Variants in FAM227B observed in about 807,000 individuals in gnomAD.
The protein encoded by FAM227B is protein FAM227B.
FAM227B carries 88 observed loss-of-function variants against 73.8 expected under a neutral mutation model. The ratio of observed to expected loss-of-function variants is 1.19; its 90% confidence interval spans 1.00 to 1.42. FAM227B has a LOEUF of 1.42. Ranked by LOEUF, FAM227B falls within the 40% of genes most tolerant of loss-of-function variation. The probability of loss-of-function intolerance (pLI) is 0.00; values close to 1 mark genes in which losing one functional copy is unlikely to be tolerated. For missense variants in FAM227B, 632 were observed against 590.9 expected (o/e 1.07, Z -0.72); for synonymous variants, 210 against 190.5 (o/e 1.10, Z -0.84).
At chr15:49,592,271 T>G (rs2076625662) in intron 3 of FAM227B, among the ~76,000 whole-genome samples, 1 of 152,244 alleles carries the variant, frequency 6.6e-6, no homozygotes, top group African/African-American at 2.4e-5. Flanking sequence ...TTTTCAGATT[T>G]TCTGCTCTGG....
At chr15:49,413,815 AAGCTCATTTTC>A (rs979133234) in intron 11 of FAM227B, among the ~76,000 whole-genome samples, 5 of 150,984 alleles carry the variant, frequency 3.3e-5, no homozygotes, top group Non-Finnish European at 5.9e-5. Flanking sequence ...AGAACACAAC[AAGCTCATTTTC>A]ACCTCAGAAC....
At chr15:49,360,044 T>A (rs2043910555) in intron 13 of FAM227B, among the ~76,000 whole-genome samples, 1 of 127,734 alleles carries the variant, frequency 7.8e-6, no homozygotes. Flanking sequence ...AACAATGAGA[T>A]CACATGGACA....
intron 9 of FAM227B, among the ~76,000 whole-genome samples, chr15:49,547,982 A>G (rs537855893): frequency 6.6e-6 from 1 of 152,374 alleles, no homozygotes; most frequent in South Asian, 2.1e-4. Context: ...GACTTAACAG[A>G]TATTTACAGA....
intron 11 of FAM227B, among the ~76,000 whole-genome samples, chr15:49,456,416 G>A (rs17479289): frequency 0.2 from 30,314 of 152,038 alleles, 3,279 homozygotes; most frequent in South Asian, 0.34. Flanking sequence ...CAGGGTTAAG[G>A]AAGGTTAATG....
At chr15:49,365,652 T>C (rs2045025150) in intron 13 of FAM227B, 1 of 1,094,504 alleles carries the variant, frequency 9.1e-7, no homozygotes, top group South Asian at 1.2e-5. Context: ...GGAGAAGGCC[T>C]AGAAGTATCA....
Position 49,424,821 on chromosome 15 carries a change from C to T in FAM227B, c.1013-53422G>A, listed in dbSNP as rs1329770018. The T allele has an allele frequency of 1.6e-5, 5 of 308,362 alleles. No homozygotes were observed. The East Asian group carries it at 2.1e-4, about 13-fold the overall frequency. The allele number at this position is 308,362 out of a possible 1,614,324, so 19.1% of individuals were successfully genotyped here. ...ATCCAAGCCAATTTGAAAATATATA[C>T]TCCTTGTCCTGAAAATGCTCATAAG... On this transcript the variant is annotated intron_variant, in intron 11 of 15. Coordinates refer to ENST00000299338, the MANE Select transcript of FAM227B (RefSeq NM_152647.3).
chr15:49,608,065 C>T (rs1049499257), intron 3 of FAM227B, among the ~76,000 whole-genome samples: 1 of 152,166 alleles, frequency 6.6e-6, no homozygotes, highest in African/African-American at 2.4e-5. Context: ...AAAATCAACA[C>T]TACTACTAGA....
At chr15:49,558,781 G>A (rs1187555676) in intron 9 of FAM227B, among the ~76,000 whole-genome samples, 1 of 152,062 alleles carries the variant, frequency 6.6e-6, no homozygotes, top group Non-Finnish European at 1.5e-5. Flanking sequence ...CCATCGAGGA[G>A]CCTGGAAATT....
intron 11 of FAM227B, among the ~76,000 whole-genome samples, chr15:49,447,832 G>C (rs750985899): frequency 7.3e-5 from 11 of 151,668 alleles, no homozygotes; most frequent in Non-Finnish European, 1.0e-4. Flanking sequence ...TAAAATCCAA[G>C]ATTCACAGAA....
At chr15:49,435,130 A>G (rs1270665053) in intron 11 of FAM227B, among the ~76,000 whole-genome samples, 1 of 151,602 alleles carries the variant, frequency 6.6e-6, no homozygotes, top group Non-Finnish European at 1.5e-5. Flanking sequence ...GGGAAAAGGC[A>G]TAAGTGTGAA....
At chr15:49,494,301 G>C (rs2057404692) in intron 11 of FAM227B, among the ~76,000 whole-genome samples, 2 of 145,512 alleles carry the variant, frequency 1.4e-5, no homozygotes, top group Non-Finnish European at 3.0e-5. Context: ...CCTAAACATA[G>C]AGTCAGCAAT....
At chr15:49,608,915 A>T (rs2077701106) in intron 3 of FAM227B, among the ~76,000 whole-genome samples, 1 of 152,040 alleles carries the variant, frequency 6.6e-6, no homozygotes, top group Non-Finnish European at 1.5e-5. Context: ...AGAAATTGGA[A>T]TCAACACTTT....
intron 11 of FAM227B, among the ~76,000 whole-genome samples, chr15:49,490,201 C>T (rs1220346103): frequency 6.6e-6 from 1 of 151,734 alleles, no homozygotes; most frequent in East Asian, 1.9e-4. Context: ...TTCCTAGATG[C>T]CTCCATATTT....
intron 11 of FAM227B, among the ~76,000 whole-genome samples, chr15:49,498,189 G>T (rs1348341755): frequency 6.6e-6 from 1 of 152,156 alleles, no homozygotes; most frequent in Admixed American, 6.5e-5. Flanking sequence ...CTGATAGGCA[G>T]TACGTGAAGT....
intron 9 of FAM227B, among the ~76,000 whole-genome samples, chr15:49,561,103 A>G (rs761111927): frequency 6.6e-6 from 1 of 152,202 alleles, no homozygotes; most frequent in Non-Finnish European, 1.5e-5. Context: ...TTGAAAGACA[A>G]GACTTATCTA....
At chr15:49,507,417 G>T (rs527675588) in intron 11 of FAM227B, among the ~76,000 whole-genome samples, 1 of 152,186 alleles carries the variant, frequency 6.6e-6, no homozygotes, top group African/African-American at 2.4e-5. Flanking sequence ...TTAGTGGTTT[G>T]TAACATTGCC....
At position 49,472,432 on chromosome 15, in the gene FAM227B, G is replaced by C. The variant is rs1597413705; in HGVS notation, c.1012+35779C>G. Among the ~76,000 whole-genome samples the C allele has an allele frequency of 3.9e-5, 6 of 152,236 alleles. No individual in the cohort carries two copies. In the East Asian group the frequency reaches 1.2e-3, roughly 29 times the overall value. Reference sequence around the variant, plus strand: ...TGGGTACCTTTTATGGAAGACTTTTGGAAGTTGCCATAGGACACTTCAGTT... The same window carrying C: ...TGGGTACCTTTTATGGAAGACTTTTCGAAGTTGCCATAGGACACTTCAGTT... On this transcript the variant is annotated intron_variant, in intron 11 of 15. Coordinates refer to ENST00000299338, the MANE Select transcript of FAM227B (RefSeq NM_152647.3).
At chr15:49,381,233 G>C (rs1439692237) in intron 11 of FAM227B, among the ~76,000 whole-genome samples, 1 of 152,058 alleles carries the variant, frequency 6.6e-6, no homozygotes, top group East Asian at 1.9e-4. Flanking sequence ...CAACACTGGG[G>C]ATTATATCTC....
At chr15:49,393,086 A>G (rs117876171) in intron 11 of FAM227B, among the ~76,000 whole-genome samples, 2,214 of 152,300 alleles carry the variant, frequency 0.015, 24 homozygotes, top group Non-Finnish European at 0.02. Flanking sequence ...GAGTATTTTT[A>G]ATTTAAACAT....
Sources: gnomAD v4.1 joint callset for allele counts (sites outside exome capture counted in the v4.1 genomes callset) on GRCh38, gnomAD v4.1.1 for gene constraint, MANE v1.5 for transcripts, NCBI Gene and HGNC (gene_info 2026-07-23, HGNC 2026-07-21) for gene names.